FSTL4: variants seen among roughly 807,000 people sequenced by gnomAD.
FSTL4 encodes the protein follistatin like 4, also known as follistatin-related protein 4.
A neutral mutation model predicts 78.2 loss-of-function variants in FSTL4; 28 were observed. That is an observed-to-expected ratio of 0.36 (90% CI 0.27 to 0.49). FSTL4 has a LOEUF of 0.49. FSTL4 is among the 20% of genes least tolerant of loss of function. The pLI is 0.98. For synonymous variants in FSTL4, 422 were observed against 440.5 expected, an observed-to-expected ratio of 0.96 and a Z score of 0.53; for missense variants, 922 against 1,084.9, an observed-to-expected ratio of 0.85 and a Z score of 2.11.
At chr5:133,378,016 T>G (rs1482729323) in intron 4 of FSTL4, among the ~76,000 whole-genome samples, 1 of 152,084 alleles carries the variant, frequency 6.6e-6, no homozygotes, top group African/African-American at 2.4e-5. Flanking sequence ...AAAACAAAAC[T>G]GTAAACAAAG....
intron 12 of FSTL4, 102 bp downstream of exon 12, chr5:133,220,645 GC>G (rs1359015430): frequency 8.0e-6 from 6 of 750,970 alleles, no homozygotes; most frequent in Non-Finnish European, 1.4e-5. Context: ...ACCACATATA[GC>G]AAATGGAATT....
chr5:133,647,315 T>C, the FSTL4 span, among the ~76,000 whole-genome samples: 1 of 152,180 alleles, frequency 6.6e-6, no homozygotes, highest in East Asian at 1.9e-4. Flanking sequence ...GTTACCTCAG[T>C]ATATTGAGTT....
intron 3 of FSTL4, among the ~76,000 whole-genome samples, chr5:133,494,619 G>T (rs1758333554): frequency 6.6e-6 from 1 of 152,226 alleles, no homozygotes; most frequent in Non-Finnish European, 1.5e-5. Flanking sequence ...GACCTTCTGG[G>T]ATTCCTATCA....
chr5:133,626,801 A>G, the FSTL4 span, among the ~76,000 whole-genome samples: 2 of 152,136 alleles, frequency 1.3e-5, no homozygotes, highest in African/African-American at 4.8e-5. Flanking sequence ...TTTATGGCCC[A>G]GTATATGGTC....
At chr5:133,614,376 A>G (rs150047853), upstream of FSTL4, among the ~76,000 whole-genome samples, 62 of 152,348 alleles carry the variant, frequency 4.1e-4, no homozygotes, top group African/African-American at 1.5e-3. Context: ...AAAGAAGGAG[A>G]AGAAGGTAGT....
intron 3 of FSTL4, among the ~76,000 whole-genome samples, chr5:133,472,557 G>A (rs112208543): frequency 6.3e-4 from 96 of 152,314 alleles, no homozygotes; most frequent in African/African-American, 2.2e-3. Context: ...GGTAAAAAAG[G>A]AGAATTTATT....
chr5:133,550,632 T>C (rs530524870), intron 3 of FSTL4, among the ~76,000 whole-genome samples: 11 of 152,314 alleles, frequency 7.2e-5, no homozygotes, highest in Admixed American at 6.5e-4. Flanking sequence ...TCACCACTAT[T>C]TTAGATGTGA....
Position 133,611,985 on chromosome 5 carries a change from T to A in FSTL4, c.-11+340A>T, listed in dbSNP as rs1284285684. Among the ~76,000 whole-genome samples, 1 of 151,768 alleles carries A rather than the reference T, an allele frequency of 6.6e-6. No individual in the cohort carries two copies. Among genetic ancestry groups the A allele is most frequent in the Non-Finnish European group, 1.5e-5 (1 of 67,894 alleles). ...TCGGAGCCGGGCGCGAGCTGCGGGC[T>A]CGGCCCGAGCGCTTCTGCGTGGCGC... On this transcript the variant is annotated intron_variant, in intron 1 of 15. Coordinates refer to ENST00000265342, the MANE Select transcript of FSTL4 (RefSeq NM_015082.2). The surrounding 1 kb of genome is among the most constrained non-coding windows in gnomAD (Gnocchi z 4.9).
intron 13 of FSTL4, among the ~76,000 whole-genome samples, chr5:133,211,949 TTTACTCTCTTGCTTTAA>T (rs577455118): frequency 9.8e-4 from 150 of 152,328 alleles, no homozygotes; most frequent in African/African-American, 1.9e-3. Flanking sequence ...GAAGTCTCCC[TTTACTCTCTTGCTTTAA>T]TTACTCTCTT....
the FSTL4 span, among the ~76,000 whole-genome samples, chr5:133,790,684 A>G: frequency 5.3e-5 from 8 of 152,264 alleles, no homozygotes; most frequent in East Asian, 1.2e-3. Context: ...GATCCACTCC[A>G]ACCTGTTCTA....
chr5:133,253,592 C>T (rs1752314117), intron 6 of FSTL4, among the ~76,000 whole-genome samples: 1 of 152,184 alleles, frequency 6.6e-6, no homozygotes, highest in Non-Finnish European at 1.5e-5. Context: ...CAAGTGGCAG[C>T]ACCAATGGGT....
intron 6 of FSTL4, among the ~76,000 whole-genome samples, chr5:133,264,609 T>C (rs1752604319): frequency 1.3e-5 from 2 of 152,222 alleles, no homozygotes; most frequent in South Asian, 4.1e-4. Context: ...AAACCTTTTC[T>C]GTGTTAGGCA....
intron 3 of FSTL4, among the ~76,000 whole-genome samples, chr5:133,468,497 T>C (rs1489505785): frequency 3.3e-5 from 5 of 152,212 alleles, no homozygotes; most frequent in Non-Finnish European, 5.9e-5. Context: ...TGTTTTCTTA[T>C]GAAGGCCGAC....
intron 3 of FSTL4, among the ~76,000 whole-genome samples, chr5:133,539,934 G>GTAAA (rs1759432889): frequency 6.8e-6 from 1 of 147,766 alleles, no homozygotes; most frequent in Non-Finnish European, 1.5e-5. Context: ...CATTTTACTG[G>GTAAA]ATGTTTCTGT....
rs1247778983 is a variant in FSTL4 at position 133,197,471 on chromosome 5, T to C, written c.*1624A>G. The C allele has an allele frequency of 6.6e-6, 1 of 152,342 alleles. No homozygotes were observed. The highest frequency in any genetic ancestry group is 1.5e-5 in the Non-Finnish European group (1 of 68,044). The allele number at this position is 152,342 out of a possible 1,614,324, so 9.4% of individuals were successfully genotyped here. On this transcript the variant is annotated 3_prime_UTR_variant, in exon 16 of 16. Coordinates refer to ENST00000265342, the MANE Select transcript of FSTL4 (RefSeq NM_015082.2). ...GGGGACAGGCGTTTGGTGGACCAAG[T>C]TGCGTGAGACATACAAGTGATTGAT...
chr5:133,764,483 C>A, the FSTL4 span, among the ~76,000 whole-genome samples: 1 of 152,170 alleles, frequency 6.6e-6, no homozygotes, highest in African/African-American at 2.4e-5. Context: ...TGAAACCATG[C>A]CATAGGCAAG....
At chr5:133,474,408 A>G (rs1009849497) in intron 3 of FSTL4, among the ~76,000 whole-genome samples, 4 of 152,134 alleles carry the variant, frequency 2.6e-5, no homozygotes, top group Non-Finnish European at 5.9e-5. Context: ...GGGCATTTTC[A>G]TCTGTAGCCC....
chr5:133,623,826 C>T, the FSTL4 span, among the ~76,000 whole-genome samples: 1 of 151,914 alleles, frequency 6.6e-6, no homozygotes, highest in Non-Finnish European at 1.5e-5. Flanking sequence ...CTTGAACAAA[C>T]ATTTCTTCAG....
intron 4 of FSTL4, among the ~76,000 whole-genome samples, chr5:133,317,139 T>G (rs1753927046): frequency 6.6e-6 from 1 of 151,884 alleles, no homozygotes; most frequent in African/African-American, 2.4e-5. Context: ...TTATGTTAAT[T>G]AGGCACCCTC....
Sources: allele counts gnomAD v4.1 joint callset (sites outside exome capture counted in the v4.1 genomes callset), GRCh38; gene constraint gnomAD v4.1.1; non-coding constraint Gnocchi (gnomAD v3.1); transcripts MANE v1.5; gene names NCBI Gene and HGNC (gene_info 2026-07-23, HGNC 2026-07-21).